The following NSMCE2 variants were observed in gnomAD, a reference collection of about 807,000 sequenced individuals.
NSMCE2 encodes the protein NSE2 SUMO ligase component of SMC5/6 complex, also known as E3 SUMO-protein ligase NSE2.
A neutral mutation model predicts 23.8 loss-of-function variants in NSMCE2; 24 were observed. The observed-to-expected ratio is 1.01, with a 90% CI of 0.73 to 1.42. The LOEUF is 1.42. Among genes scored for constraint, NSMCE2 ranks in the 40% most tolerant of loss-of-function variants. The pLI is 0.00. For synonymous variants in NSMCE2, 92 were observed against 94.1 expected (o/e 0.98, Z 0.13); for missense variants, 284 against 296.5 (o/e 0.96, Z 0.31).
chr8:125,223,353 G>A (rs955906656), intron 5 of NSMCE2, among the ~76,000 whole-genome samples: 2 of 152,152 alleles, frequency 1.3e-5, no homozygotes, highest in Non-Finnish European at 2.9e-5. Context: ...GCAAGACCCT[G>A]TCCCAACAAA....
chr8:125,220,757 T>C (rs955154237), intron 5 of NSMCE2, among the ~76,000 whole-genome samples: 3 of 152,176 alleles, frequency 2.0e-5, no homozygotes, highest in Non-Finnish European at 2.9e-5. Context: ...AATCCACTTA[T>C]TCATTTATGC....
At chr8:125,304,756 CTG>C (rs1049870248) in intron 5 of NSMCE2, among the ~76,000 whole-genome samples, 7 of 151,764 alleles carry the variant, frequency 4.6e-5, no homozygotes, top group Admixed American at 4.6e-4. Context: ...GCTTGGGAGA[CTG>C]AGGCATCAAG....
chr8:125,149,509 C>T (rs1352963239), intron 3 of NSMCE2, among the ~76,000 whole-genome samples: 1 of 152,062 alleles, frequency 6.6e-6, no homozygotes, highest in Admixed American at 6.6e-5. Context: ...GCTTTATTTT[C>T]TTTTCATTTA....
At chr8:125,318,798 CTAT>C (rs1358270254) in intron 5 of NSMCE2, among the ~76,000 whole-genome samples, 1 of 152,148 alleles carries the variant, frequency 6.6e-6, no homozygotes, top group Non-Finnish European at 1.5e-5. Flanking sequence ...TTCCAGCTTA[CTAT>C]TGAGAGAGTT....
chr8:125,216,621 C>T (rs185062233), intron 5 of NSMCE2, among the ~76,000 whole-genome samples: 47 of 144,802 alleles, frequency 3.2e-4, no homozygotes, highest in Admixed American at 1.3e-3. Flanking sequence ...GCAACAAGAG[C>T]GAGGCTGTGT....
chr8:125,316,759 CCTTCCTTCCT>C (rs1264955023), intron 5 of NSMCE2, among the ~76,000 whole-genome samples: 5 of 144,198 alleles, frequency 3.5e-5, no homozygotes, highest in African/African-American at 1.1e-4. Flanking sequence ...TTCCTTCCTT[CCTTCCTTCCT>C]TCTCTCTCTC....
chr8:125,255,434 T>A (rs1826364475), intron 5 of NSMCE2, among the ~76,000 whole-genome samples: 1 of 152,148 alleles, frequency 6.6e-6, no homozygotes, highest in African/African-American at 2.4e-5. Flanking sequence ...TAATCCTTCC[T>A]TCATCATCAA....
intron 3 of NSMCE2, among the ~76,000 whole-genome samples, chr8:125,110,854 C>T (rs1818709508): frequency 7.5e-6 from 1 of 133,296 alleles, no homozygotes; most frequent in Admixed American, 8.3e-5. Flanking sequence ...TCTGAAACAT[C>T]CTCTCATGGA....
At chr8:125,310,767 T>A (rs956095921) in intron 5 of NSMCE2, among the ~76,000 whole-genome samples, 3 of 152,208 alleles carry the variant, frequency 2.0e-5, no homozygotes, top group African/African-American at 7.2e-5. Flanking sequence ...CCTGGAGCTC[T>A]TTTTTCCTCC....
chr8:125,203,919 A>T (rs1019113567), intron 5 of NSMCE2, among the ~76,000 whole-genome samples: 1 of 152,240 alleles, frequency 6.6e-6, no homozygotes, highest in Admixed American at 6.5e-5. Context: ...ATAAAATTTC[A>T]GTGTTAGATA....
chr8:125,342,863 G>T (rs1830297892), intron 5 of NSMCE2, among the ~76,000 whole-genome samples: 1 of 152,162 alleles, frequency 6.6e-6, no homozygotes, highest in Non-Finnish European at 1.5e-5. Context: ...ACATTTTGGG[G>T]ATTTCACCCA....
chr8:125,192,215 T>G (rs78624553), intron 5 of NSMCE2, among the ~76,000 whole-genome samples: 3,269 of 152,294 alleles, frequency 0.021, 126 homozygotes, highest in African/African-American at 0.075. Flanking sequence ...ATTATCTTGT[T>G]GAGTTATAAT....
At chr8:125,317,847 T>C (rs564483488) in intron 5 of NSMCE2, among the ~76,000 whole-genome samples, 1 of 152,328 alleles carries the variant, frequency 6.6e-6, no homozygotes. Flanking sequence ...GCAAAAATTA[T>C]CAGACCAGAA....
At chr8:125,107,156 G>T (rs1818502995) in intron 3 of NSMCE2, among the ~76,000 whole-genome samples, 1 of 146,348 alleles carries the variant, frequency 6.8e-6, no homozygotes, top group Non-Finnish European at 1.5e-5. Context: ...TCTGTGAATT[G>T]TTCTATATTG....
At chr8:125,310,138 A>G (rs1242971171) in intron 5 of NSMCE2, among the ~76,000 whole-genome samples, 1 of 152,216 alleles carries the variant, frequency 6.6e-6, no homozygotes, top group African/African-American at 2.4e-5. Context: ...TGGCAGGATG[A>G]AACATCAGAA....
At chr8:125,234,275 C>T (rs1264277515) in intron 5 of NSMCE2, among the ~76,000 whole-genome samples, 1 of 152,108 alleles carries the variant, frequency 6.6e-6, no homozygotes, top group East Asian at 1.9e-4. Flanking sequence ...TTCATCTAGA[C>T]TAATAGCAGT....
chr8:125,254,652 C>G (rs768394059), intron 5 of NSMCE2, among the ~76,000 whole-genome samples: 54 of 149,942 alleles, frequency 3.6e-4, no homozygotes, highest in Middle Eastern at 3.2e-3. Context: ...CTTGTAAATT[C>G]TTCCCATTTC....
intron 5 of NSMCE2, among the ~76,000 whole-genome samples, chr8:125,330,386 G>A (rs563273535): frequency 9.9e-5 from 15 of 152,028 alleles, no homozygotes; most frequent in Admixed American, 5.2e-4. Context: ...ACGTTGGCCA[G>A]GCTGGTCTCG....
intron 5 of NSMCE2, among the ~76,000 whole-genome samples, chr8:125,249,282 G>A (rs1826112936): frequency 6.6e-6 from 1 of 152,120 alleles, no homozygotes; most frequent in Non-Finnish European, 1.5e-5. Flanking sequence ...TCAAAAAACA[G>A]GTTCCTTAAG....
Sources: allele counts gnomAD v4.1 joint callset (sites outside exome capture counted in the v4.1 genomes callset), GRCh38; gene constraint gnomAD v4.1.1; transcripts MANE v1.5; gene names NCBI Gene and HGNC (gene_info 2026-07-23, HGNC 2026-07-21).